MGAT4C: variants seen among roughly 807,000 people sequenced by gnomAD.
MGAT4C encodes MGAT4 family member C.
In MGAT4C, 19 loss-of-function variants were observed where a neutral mutation model predicts 40.1. The ratio of observed to expected loss-of-function variants is 0.47; its 90% CI spans 0.33 to 0.70. MGAT4C has a LOEUF of 0.70. MGAT4C is among the 30% of genes least tolerant of loss of function. The pLI, the probability that MGAT4C is intolerant of heterozygous loss-of-function variation, is 0.02. For missense variants in MGAT4C, 491 were observed against 563.2 expected (o/e 0.87, Z 1.30); for synonymous variants, 181 against 187.1 (o/e 0.97, Z 0.27).
chr12:86,228,348 T>C (rs1347959500), intron 1 of MGAT4C, among the ~76,000 whole-genome samples: 1 of 151,962 alleles, frequency 6.6e-6, no homozygotes, highest in Non-Finnish European at 1.5e-5. Context: ...ATTTTATCTA[T>C]AGATAATTTT....
intron 3 of MGAT4C, among the ~76,000 whole-genome samples, chr12:86,344,749 T>C (rs1954987841): frequency 8.1e-6 from 1 of 123,482 alleles, no homozygotes; most frequent in Admixed American, 8.3e-5. Context: ...TGTGTGTGTG[T>C]GTGTGTATGT....
chr12:86,765,619 A>C (rs888609851), intron 1 of MGAT4C, among the ~76,000 whole-genome samples: 4 of 152,222 alleles, frequency 2.6e-5, no homozygotes, highest in Non-Finnish European at 4.4e-5. Flanking sequence ...CCAGAGAGAA[A>C]GGTCGGGTTA....
At chr12:86,727,442 T>A (rs1411982418) in intron 1 of MGAT4C, among the ~76,000 whole-genome samples, 1 of 152,140 alleles carries the variant, frequency 6.6e-6, no homozygotes, top group African/African-American at 2.4e-5. Context: ...ATATAAACAT[T>A]ATTTAAAGAT....
intron 2 of MGAT4C, among the ~76,000 whole-genome samples, chr12:86,492,950 G>C (rs1592914323): frequency 6.6e-6 from 1 of 151,598 alleles, no homozygotes; most frequent in Non-Finnish European, 1.5e-5. Context: ...AAATTTACAA[G>C]AAAAAAACAA....
chr12:86,777,296 A>G (rs1426523178), intron 1 of MGAT4C, among the ~76,000 whole-genome samples: 1 of 152,234 alleles, frequency 6.6e-6, no homozygotes, highest in Non-Finnish European at 1.5e-5. Context: ...TATATTTACC[A>G]TGGTTACAAA....
rs61569875 is a variant in MGAT4C, at chr12:86,669,578, T to C, written c.-229+57631A>G. Among the ~76,000 whole-genome samples the C allele has an allele frequency of 3.1e-3, 479 of 152,338 alleles. 2 individuals carry two copies. The highest frequency in any genetic ancestry group is 0.011 in the African/African-American group (466 of 41,578). On this transcript the variant is annotated intron_variant, in intron 2 of 7. Transcript: ENST00000548651. ...TCCCAACTCCATGACTAAACACACCTCTGGGCACTTAGTGGCCATCCACTG... is the reference window on the plus strand; with the variant it reads ...TCCCAACTCCATGACTAAACACACCCCTGGGCACTTAGTGGCCATCCACTG...
intron 4 of MGAT4C, among the ~76,000 whole-genome samples, chr12:86,310,785 A>C (rs2136149942): frequency 6.6e-6 from 1 of 152,172 alleles, no homozygotes; most frequent in South Asian, 2.1e-4. Context: ...TTAGCCAGGT[A>C]TGGTGGCATG....
At chr12:86,565,242 G>A (rs1960039746) in intron 2 of MGAT4C, among the ~76,000 whole-genome samples, 1 of 152,128 alleles carries the variant, frequency 6.6e-6, no homozygotes. Context: ...GGCTCAAGCA[G>A]GTCCTGACGT....
At chr12:86,477,080 T>G (rs534287726) in intron 2 of MGAT4C, among the ~76,000 whole-genome samples, 2 of 151,686 alleles carry the variant, frequency 1.3e-5, no homozygotes, top group East Asian at 3.9e-4. Flanking sequence ...GAATCCAAAA[T>G]GAAAAATAAA....
intron 1 of MGAT4C, among the ~76,000 whole-genome samples, chr12:86,774,288 T>TTTCC: frequency 4.1e-5 from 1 of 24,240 alleles, no homozygotes; most frequent in African/African-American, 9.9e-5. Context: ...TTGCTCTTTC[T>TTTCC]TTCTTTCTTT....
chr12:86,829,838 T>C (rs1952885152), intron 1 of MGAT4C, among the ~76,000 whole-genome samples: 1 of 149,976 alleles, frequency 6.7e-6, no homozygotes, highest in African/African-American at 2.5e-5. Context: ...CACAATAACT[T>C]GACTATTTTA....
At chr12:86,033,689 T>C (rs1306118280) in intron 2 of MGAT4C, among the ~76,000 whole-genome samples, 2 of 149,470 alleles carry the variant, frequency 1.3e-5, no homozygotes, top group Non-Finnish European at 3.0e-5. Flanking sequence ...AAAATCATAT[T>C]CTCTGCAAAA....
At chr12:86,743,900 G>A (rs780960026) in intron 1 of MGAT4C, among the ~76,000 whole-genome samples, 4 of 151,488 alleles carry the variant, frequency 2.6e-5, no homozygotes, top group East Asian at 1.9e-4. Flanking sequence ...TAGTATGAAC[G>A]TTGGTATCAG....
chr12:86,709,786 C>T (rs1950526905), intron 2 of MGAT4C, among the ~76,000 whole-genome samples: 1 of 152,018 alleles, frequency 6.6e-6, no homozygotes, highest in African/African-American at 2.4e-5. Flanking sequence ...TCTCATAGAC[C>T]TAATTATAAT....
chr12:86,816,905 C>T (rs1952618010), intron 1 of MGAT4C, among the ~76,000 whole-genome samples: 1 of 150,858 alleles, frequency 6.6e-6, no homozygotes, highest in African/African-American at 2.4e-5. Flanking sequence ...AATCCTATAT[C>T]ACTAATAATT....
chr12:86,103,199 TG>T (rs1489935982), intron 1 of MGAT4C, among the ~76,000 whole-genome samples: 2 of 152,162 alleles, frequency 1.3e-5, no homozygotes, highest in Admixed American at 1.3e-4. Context: ...CACAAAAAGC[TG>T]TGTTCCAAAC....
intron 3 of MGAT4C, among the ~76,000 whole-genome samples, chr12:86,361,486 G>A (rs1566321973): frequency 6.6e-6 from 1 of 152,182 alleles, no homozygotes; most frequent in South Asian, 2.1e-4. Flanking sequence ...ATTGACAAAT[G>A]GGATCTAATT....
intron 3 of MGAT4C, among the ~76,000 whole-genome samples, chr12:86,369,649 A>AT (rs899051769): frequency 5.9e-5 from 9 of 151,938 alleles, no homozygotes; most frequent in African/African-American, 2.2e-4. Context: ...GTCAGAATTT[A>AT]TTTTTTTAAT....
At chr12:86,624,912 A>G (rs981552697) in intron 2 of MGAT4C, among the ~76,000 whole-genome samples, 1 of 152,038 alleles carries the variant, frequency 6.6e-6, no homozygotes, top group Admixed American at 6.6e-5. Context: ...TTTTGGTTCC[A>G]TGTCTCCACA....
Sources: allele counts gnomAD v4.1 joint callset (sites outside exome capture counted in the v4.1 genomes callset), GRCh38; gene constraint gnomAD v4.1.1; transcripts MANE v1.5; gene names NCBI Gene and HGNC (gene_info 2026-07-23, HGNC 2026-07-21).